The following RNF11 variants were observed in gnomAD, a reference collection of about 807,000 sequenced individuals.
RNF11 encodes ring finger protein 11.
In RNF11, 4 loss-of-function variants were observed where a neutral mutation model predicts 15.8. The observed-to-expected ratio is 0.25, with a 90% CI of 0.12 to 0.58. The LOEUF is 0.58. Among genes scored for constraint, RNF11 ranks in the 20% least tolerant of loss-of-function variants. The probability of loss-of-function intolerance (pLI) is 0.91; values close to 1 mark genes in which losing one functional copy is unlikely to be tolerated. For synonymous variants in RNF11, 68 were observed against 72.3 expected (o/e 0.94, Z 0.30); for missense variants, 139 against 194.4 (o/e 0.71, Z 1.70).
intron 1 of RNF11, among the ~76,000 whole-genome samples, chr1:51,246,996 A>C (rs533459366): frequency 1.2e-4 from 18 of 151,196 alleles, no homozygotes; most frequent in African/African-American, 4.4e-4. Context: ...AAAAAAAAAA[A>C]GGAAAAAATA....
At chr1:51,253,332 C>T (rs1646889625) in intron 1 of RNF11, among the ~76,000 whole-genome samples, 1 of 151,838 alleles carries the variant, frequency 6.6e-6, no homozygotes, top group African/African-American at 2.4e-5. Context: ...TGAGACCAGC[C>T]TGGGCAGAAT....
chr1:51,267,986 C>T (rs919872053), intron 1 of RNF11, among the ~76,000 whole-genome samples: 1 of 152,232 alleles, frequency 6.6e-6, no homozygotes, highest in African/African-American at 2.4e-5. Flanking sequence ...CTGCCTCGGC[C>T]TTTCAAAGTT....
intron 1 of RNF11, among the ~76,000 whole-genome samples, chr1:51,261,365 C>T (rs1296321833): frequency 6.6e-6 from 1 of 152,052 alleles, no homozygotes; most frequent in Non-Finnish European, 1.5e-5. Context: ...GTTAAGAATC[C>T]GTGAGAGGCA....
intron 1 of RNF11, among the ~76,000 whole-genome samples, chr1:51,250,338 C>T (rs1358431071): frequency 6.6e-6 from 1 of 152,138 alleles, no homozygotes; most frequent in Non-Finnish European, 1.5e-5. Context: ...TTCAAGTATA[C>T]ACAATACATT....
At chr1:51,257,450 A>C (rs72898405) in intron 1 of RNF11, among the ~76,000 whole-genome samples, 3,202 of 151,840 alleles carry the variant, frequency 0.021, 95 homozygotes, top group African/African-American at 0.065. Flanking sequence ...TTTTATTTAC[A>C]TTTTTTGTTT....
chr1:51,250,224 A>G (rs1646870396), intron 1 of RNF11, among the ~76,000 whole-genome samples: 1 of 152,228 alleles, frequency 6.6e-6, no homozygotes, highest in African/African-American at 2.4e-5. Context: ...ATATATGTAT[A>G]CATCATGAAA....
At chr1:51,237,442 G>A (rs370185085) in intron 1 of RNF11, among the ~76,000 whole-genome samples, 25 of 140,516 alleles carry the variant, frequency 1.8e-4, no homozygotes, top group East Asian at 4.1e-4. Context: ...ATATATATGT[G>A]TATATATATA....
chr1:51,260,874 C>T (rs938884686), intron 1 of RNF11, among the ~76,000 whole-genome samples: 2 of 152,108 alleles, frequency 1.3e-5, no homozygotes, highest in Admixed American at 1.3e-4. Flanking sequence ...TGTGAATAAA[C>T]TATTCTGGGG....
intron 1 of RNF11, among the ~76,000 whole-genome samples, chr1:51,268,278 G>A (rs1646963801): frequency 6.6e-6 from 1 of 152,088 alleles, no homozygotes; most frequent in Admixed American, 6.6e-5. Context: ...ATATCAGGAG[G>A]TCTTAGTCAT....
At chr1:51,268,217 T>G (rs998326402) in intron 1 of RNF11, among the ~76,000 whole-genome samples, 1 of 152,146 alleles carries the variant, frequency 6.6e-6, no homozygotes, top group Non-Finnish European at 1.5e-5. Flanking sequence ...GAATTAAAAT[T>G]TAAAATTAGG....
intron 1 of RNF11, among the ~76,000 whole-genome samples, chr1:51,240,207 G>T (rs759429193): frequency 6.6e-5 from 10 of 152,110 alleles, no homozygotes; most frequent in Non-Finnish European, 1.3e-4. Flanking sequence ...TTGTTTCCAC[G>T]CATGTCCCTT....
chr1:51,272,519 T>G lies in RNF11; in HGVS notation c.*1197T>G, dbSNP rs1200628794. The G allele has an allele frequency of 2.0e-5, 3 of 152,580 alleles. No homozygotes were observed. The highest frequency in any genetic ancestry group is 1.9e-4 in the East Asian group (1 of 5,206). 9.5% of individuals were successfully genotyped at this position (152,580 alleles called of 1,614,324 possible). ...GTATAACCATATGACTTCATAGTTG[T>G]GATCTCAAAAAAGAAGGAATTTCTC... is the stretch of plus-strand genomic sequence containing the variant. On this transcript the variant is annotated 3_prime_UTR_variant, in exon 3 of 3. Coordinates refer to ENST00000242719, the MANE Select transcript of RNF11 (RefSeq NM_014372.5).
chr1:51,269,550 G>A (rs1403602167), intron 1 of RNF11, among the ~76,000 whole-genome samples: 2 of 152,228 alleles, frequency 1.3e-5, no homozygotes, highest in Admixed American at 1.3e-4. Flanking sequence ...CTGTAGGCAA[G>A]CTTGGTCCTA....
rs1245365473 is a variant in RNF11 at position 51,257,853 on chromosome 1, C to CTTTTTTTTTTTTTT, written c.124-12098_124-12085dup. On this transcript the variant is annotated intron_variant, in intron 1 of 2. Transcript: ENST00000242719. ...CTTCTTATTTCTTTTCTTTTCTTTT[C>CTTTTTTTTTTTTTT]TTTTTTTTTTTTTTTTTTGAGACAA... is the stretch of plus-strand genomic sequence containing the variant. Among the ~76,000 whole-genome samples, 66 of 91,236 alleles carry CTTTTTTTTTTTTTT rather than the reference C, an allele frequency of 7.2e-4. 1 individual carries two copies. The highest frequency in any genetic ancestry group is 3.0e-3 in the African/African-American group (61 of 20,658). The allele number at this position is 91,236 out of a possible 152,430, so 59.9% of individuals were successfully genotyped here. A position where few individuals can be genotyped will look rare whatever the true frequency, so the allele number is the denominator to read the frequency against.
At chr1:51,254,037 C>T (rs542658966) in intron 1 of RNF11, among the ~76,000 whole-genome samples, 10 of 151,696 alleles carry the variant, frequency 6.6e-5, no homozygotes, top group East Asian at 5.8e-4. Context: ...CACGATCAAT[C>T]GGATCATCCT....
intron 1 of RNF11, among the ~76,000 whole-genome samples, chr1:51,257,200 A>T (rs1224372218): frequency 6.6e-6 from 1 of 152,198 alleles, no homozygotes; most frequent in East Asian, 1.9e-4. Flanking sequence ...CTCTTTCCCC[A>T]GGTAGGTTAA....
chr1:51,267,515 C>G (rs1459452989), intron 1 of RNF11, among the ~76,000 whole-genome samples: 1 of 152,206 alleles, frequency 6.6e-6, no homozygotes, highest in Non-Finnish European at 1.5e-5. Flanking sequence ...GAGTTATCTC[C>G]TAGTGGAGTC....
intron 1 of RNF11, among the ~76,000 whole-genome samples, chr1:51,238,146 G>C (rs1423027076): frequency 6.6e-6 from 1 of 152,052 alleles, no homozygotes; most frequent in Non-Finnish European, 1.5e-5. Flanking sequence ...GTTCCTCTCT[G>C]CTTGGAGCCC....
chr1:51,242,012 G>A (rs1646831312), intron 1 of RNF11, among the ~76,000 whole-genome samples: 1 of 152,190 alleles, frequency 6.6e-6, no homozygotes, highest in African/African-American at 2.4e-5. Context: ...ATAAGGATAG[G>A]TGTCTCTCAA....
Sources: allele counts gnomAD v4.1 joint callset (sites outside exome capture counted in the v4.1 genomes callset), GRCh38; gene constraint gnomAD v4.1.1; transcripts MANE v1.5; gene names NCBI Gene and HGNC (gene_info 2026-07-23, HGNC 2026-07-21).